ACAD10: variants seen among roughly 807,000 people sequenced by gnomAD.
ACAD10 encodes the protein ACAD-10.
In ACAD10, 112 loss-of-function variants were observed where a neutral mutation model predicts 116.8. That is an observed-to-expected ratio of 0.96 (90% confidence interval 0.82 to 1.12). The LOEUF is 1.12. ACAD10 is among the 50% of genes most tolerant of loss of function. The pLI is 0.00. For synonymous variants in ACAD10, 486 were observed against 510.6 expected (o/e 0.95, Z 0.65); for missense variants, 1,259 against 1,350.2 (o/e 0.93, Z 1.06).
rs769476531 is a variant in ACAD10 at position 111,705,975 on chromosome 12, C to T, written c.531+43C>T. On this transcript the variant is annotated intron_variant, in intron 4 of 20. Coordinates refer to ENST00000313698, the MANE Select transcript of ACAD10 (RefSeq NM_025247.6). ...GAAAACCATTGGAACAGAATCTGTG[C>T]CCTCGCTTCAGGGTGCAATGTTAAA... 30 of 1,593,928 alleles carry T rather than the reference C, an allele frequency of 1.9e-5. No homozygotes were observed. In the South Asian group the frequency reaches 3.3e-4, roughly 17 times the overall value.
At chr12:111,705,175 GTT>G (rs765988647) in intron 3 of ACAD10, among the ~76,000 whole-genome samples, 1 of 147,264 alleles carries the variant, frequency 6.8e-6, no homozygotes, top group Admixed American at 6.8e-5. Context: ...ATGATATGCT[GTT>G]TTTTTTTTCA....
At chr12:111,742,328 G>A (rs1024583018) in intron 12 of ACAD10, among the ~76,000 whole-genome samples, 3 of 152,160 alleles carry the variant, frequency 2.0e-5, no homozygotes, top group Non-Finnish European at 4.4e-5. Context: ...AATGTGCTGT[G>A]TGCAGTCCGA....
chr12:111,689,766 A>C (rs573801224), intron 1 of ACAD10, among the ~76,000 whole-genome samples: 42 of 149,350 alleles, frequency 2.8e-4, no homozygotes, highest in Non-Finnish European at 5.3e-4. Flanking sequence ...CCCAGGCTGG[A>C]GTCCAGTGGC....
intron 4 of ACAD10, among the ~76,000 whole-genome samples, chr12:111,706,980 G>A (rs1888529690): frequency 6.7e-6 from 1 of 150,042 alleles, no homozygotes; most frequent in African/African-American, 2.5e-5. Flanking sequence ...GTTTCACCAT[G>A]TTGGCCAGGC....
chr12:111,732,623 T>C (rs1889422028), intron 10 of ACAD10, among the ~76,000 whole-genome samples: 3 of 152,248 alleles, frequency 2.0e-5, no homozygotes, highest in Admixed American at 6.5e-5. Context: ...TGATGTTTAC[T>C]TTTTCTTTTA....
intron 8 of ACAD10, among the ~76,000 whole-genome samples, chr12:111,723,647 A>ACCC (rs1475806635): frequency 1.1e-5 from 1 of 92,330 alleles, no homozygotes; most frequent in African/African-American, 4.5e-5. Context: ...CGGGGGGCTG[A>ACCC]CCCCCCGACC....
chr12:111,706,035 T>C, intron 4 of ACAD10, 103 bp downstream of exon 4: 1 of 1,281,758 alleles, frequency 7.8e-7, no homozygotes, highest in South Asian at 1.4e-5. Flanking sequence ...TGAGGGAGTT[T>C]TTCCTTCAGC....
At chr12:111,719,511 C>G (rs575840451) in intron 7 of ACAD10, among the ~76,000 whole-genome samples, 2 of 152,068 alleles carry the variant, frequency 1.3e-5, no homozygotes, top group African/African-American at 4.8e-5. Context: ...CTCGGCCTCC[C>G]GGAGTGCTGG....
At position 111,686,089 on chromosome 12, in the gene ACAD10, C is replaced by A; in HGVS notation, c.-164C>A. ...GGACGCAATTTTGAGGAGGTCGGAG[C>A]GGAAGGACGTCGTGGAGATTGCTTG... On this transcript the variant is annotated 5_prime_UTR_variant, in exon 1 of 21. Coordinates refer to ENST00000313698, the MANE Select transcript of ACAD10 (RefSeq NM_025247.6). 1 of 200,984 alleles carries A rather than the reference C, an allele frequency of 5.0e-6. No homozygotes were observed. The highest frequency in any genetic ancestry group is 1.0e-5 in the Non-Finnish European group (1 of 99,692). 12.5% of individuals were successfully genotyped at this position (200,984 alleles called of 1,614,324 possible).
intron 18 of ACAD10, 46 bp from the exon 19 acceptor site, chr12:111,753,726 C>A: frequency 6.2e-7 from 1 of 1,613,286 alleles, no homozygotes; most frequent in South Asian, 1.1e-5. Context: ...CTCGTGGCCA[C>A]CCCCAGCCCA....
At chr12:111,696,820 G>A (rs1888201495) in intron 2 of ACAD10, among the ~76,000 whole-genome samples, 1 of 152,088 alleles carries the variant, frequency 6.6e-6, no homozygotes, top group African/African-American at 2.4e-5. Flanking sequence ...AGTAGCTCAC[G>A]CCTGTAATCC....
chr12:111,721,168 A>G (rs903865374), intron 7 of ACAD10, among the ~76,000 whole-genome samples: 6 of 152,092 alleles, frequency 3.9e-5, no homozygotes, highest in African/African-American at 7.2e-5. Context: ...CAATTTCACC[A>G]TTGGTTTTTT....
At chr12:111,749,488 G>C (rs897327769) in intron 18 of ACAD10, 143 bp downstream of exon 18, 26 of 1,128,904 alleles carry the variant, frequency 2.3e-5, no homozygotes, top group Non-Finnish European at 3.2e-5. Flanking sequence ...TTGCATTCCT[G>C]TCTGCTTTGC....
Position 111,718,036 on chromosome 12 carries a change from C to CTTTTTT in ACAD10, c.992+2100_992+2105dup, listed in dbSNP as rs560344796. 2.6e-3 allele frequency among the ~76,000 whole-genome samples: 168 copies of CTTTTTT among 63,674 alleles called. 32 individuals carry two copies. The highest frequency in any genetic ancestry group is 0.011 in the African/African-American group (139 of 12,200). The allele number at this position is 63,674 out of a possible 152,430, so 41.8% of individuals were successfully genotyped here. On this transcript the variant is annotated intron_variant, in intron 7 of 20. Coordinates refer to ENST00000313698, the MANE Select transcript of ACAD10 (RefSeq NM_025247.6). ...TATACGTAGGATCTATAGTGATATC[C>CTTTTTT]TTTTTTTTTTTTTTTTTTTTTTTTT...
chr12:111,746,272 G>A lies in ACAD10; in HGVS notation c.2244G>A (p.Leu748=). 1.2e-6 allele frequency: 2 copies of A among 1,612,472 alleles called. No individual in the cohort carries two copies. Among genetic ancestry groups the A allele is most frequent in the Non-Finnish European group, 1.7e-6 (2 of 1,179,468 alleles). Residue 748 remains leucine, a synonymous_variant, in exon 14 of 21, where the codon CTG becomes CTA. Coordinates refer to ENST00000313698, the MANE Select transcript of ACAD10 (RefSeq NM_025247.6). ...TGTGTGAGCTCATGGGCACGTCCCT[G>A]TATGCCCCCGAGGTACCTTCTTTAA... ...AHLCELMGTS[L]YAPEVCNCSA...
intron 2 of ACAD10, among the ~76,000 whole-genome samples, chr12:111,698,316 A>C (rs987432541): frequency 6.0e-5 from 8 of 134,192 alleles, no homozygotes; most frequent in African/African-American, 2.3e-4. Context: ...TTTTTTTTTC[A>C]GAGAGCATCT....
chr12:111,749,002 G>A, intron 17 of ACAD10, 171 bp from the exon 18 acceptor site: 1 of 1,610,798 alleles, frequency 6.2e-7, no homozygotes. Flanking sequence ...CATTTTCTGT[G>A]TTTAACAGGC....
In ACAD10 at chr12:111,713,137, C is replaced by T. The variant is rs1020953702; in HGVS notation, c.850+480C>T. Among the ~76,000 whole-genome samples, 11 of 151,548 alleles carry T rather than the reference C, an allele frequency of 7.3e-5. No homozygotes were observed. The East Asian group carries it at 1.9e-3, about 27-fold the overall frequency. On this transcript the variant is annotated intron_variant, in intron 6 of 20. Transcript: ENST00000313698. Reference sequence around the variant, plus strand: ...ACCAGCCTGGCTAACTTGGTGAAACCCTGTCTCTACTAAAAATACAAAAAT... The same window carrying T: ...ACCAGCCTGGCTAACTTGGTGAAACTCTGTCTCTACTAAAAATACAAAAAT...
intron 12 of ACAD10, among the ~76,000 whole-genome samples, chr12:111,741,856 G>A (rs1889752481): frequency 6.6e-6 from 1 of 152,122 alleles, no homozygotes; most frequent in Admixed American, 6.5e-5. Flanking sequence ...TTAGAGAAGG[G>A]GTATCTGTTT....
Sources: allele counts gnomAD v4.1 joint callset (sites outside exome capture counted in the v4.1 genomes callset), GRCh38; gene constraint gnomAD v4.1.1; transcripts MANE v1.5; gene names NCBI Gene and HGNC (gene_info 2026-07-23, HGNC 2026-07-21).